Variants in SI observed in about 807,000 individuals in gnomAD.
SI encodes the protein sucrase-isomaltase.
In SI, 235 loss-of-function variants were observed where a neutral mutation model predicts 253.3. The ratio of observed to expected loss-of-function variants is 0.93; its 90% CI spans 0.83 to 1.03. The LOEUF is 1.03. Among genes scored for constraint, SI ranks in the 50% least tolerant of loss-of-function variants. The pLI, the probability that SI is intolerant of heterozygous loss-of-function variation, is 0.00. For synonymous variants in SI, 819 were observed against 712.0 expected (o/e 1.15, Z -2.39); for missense variants, 2,442 against 2,211.1 (o/e 1.10, Z -2.09).
At chr3:165,059,134 A>G in intron 11 of SI, 34 bp downstream of exon 11, 1 of 1,611,768 alleles carries the variant, frequency 6.2e-7, no homozygotes, top group Non-Finnish European at 8.5e-7. Context: ...ACGTGTAAAC[A>G]CTAAAAATGT....
rs201844171 is a variant in SI, at chr3:165,023,570, C to T, written c.3099G>A (p.Lys1033=). 5.2e-5 allele frequency: 83 copies of T among 1,607,500 alleles called. No individual in the cohort carries two copies. Among genetic ancestry groups the T allele is most frequent in the Non-Finnish European group, 6.6e-5 (77 of 1,175,202 alleles). ...KYHKNDMLQF[K]IYDPQKKRYE... ...TTGGGGTAGTTTATATCAAGCATACCTTAAACTGCAACATATCATTTTTGT... is the reference window on the plus strand; with the variant it reads ...TTGGGGTAGTTTATATCAAGCATACTTTAAACTGCAACATATCATTTTTGT... The change falls in exon 26 of 48, where the codon AAG becomes AAA. Residue 1033 remains lysine (K), a splice_region_variant and synonymous_variant. Coordinates refer to ENST00000264382, the MANE Select transcript of SI (RefSeq NM_001041.4).
intron 25 of SI, among the ~76,000 whole-genome samples, chr3:165,024,338 A>G (rs1711788423): frequency 6.6e-6 from 1 of 151,380 alleles, no homozygotes; most frequent in African/African-American, 2.4e-5. Flanking sequence ...AAAACCTAAG[A>G]AAAAGAATTA....
intron 25 of SI, among the ~76,000 whole-genome samples, chr3:165,029,722 G>T (rs1419302816): frequency 6.7e-6 from 1 of 149,534 alleles, no homozygotes; most frequent in Non-Finnish European, 1.5e-5. Flanking sequence ...TTAGCAAAAT[G>T]AATTGTTCCC....
intron 7 of SI, among the ~76,000 whole-genome samples, chr3:165,064,262 C>T (rs1375418208): frequency 6.6e-6 from 1 of 151,618 alleles, no homozygotes; most frequent in Admixed American, 6.6e-5. Flanking sequence ...ATGATAGAGA[C>T]AAACTGGAAA....
Position 165,021,273 on chromosome 3 carries a change from A to T in SI, c.3210T>A (p.Asn1070Lys). The T allele has an allele frequency of 6.2e-7, 1 of 1,611,372 alleles. No individual in the cohort carries two copies. Residue 1070 changes from asparagine (N) to lysine (K), a missense_variant, in exon 27 of 48, where the codon AAT (asparagine) becomes AAA (lysine). Asn to Lys is a moderately conservative substitution (Grantham distance 94, BLOSUM62 0). Transcript: ENST00000264382. ...TCCGTCGAATCTGGATGCCAAAAGG[A>T]TTTTCCTTGATTTCCACATCATAAA... ...DRLYDVEIKE[N>K]PFGIQIRRRS...
intron 36 of SI, among the ~76,000 whole-genome samples, chr3:165,007,267 A>T (rs544936279): frequency 6.6e-6 from 1 of 152,154 alleles, no homozygotes; most frequent in Non-Finnish European, 1.5e-5. Flanking sequence ...CATAAAGCCC[A>T]GAGTTTAAGG....
intron 20 of SI, among the ~76,000 whole-genome samples, chr3:165,038,272 A>C (rs1009055370): frequency 6.6e-6 from 1 of 152,046 alleles, no homozygotes; most frequent in Non-Finnish European, 1.5e-5. Flanking sequence ...ACAATAATTA[A>C]CAGTACTTTA....
At position 164,979,248 on chromosome 3, in the gene SI, T is replaced by G; in HGVS notation, c.*114A>C. 1 of 745,102 alleles carries G rather than the reference T, an allele frequency of 1.3e-6. No individual in the cohort carries two copies. Among genetic ancestry groups the G allele is most frequent in the East Asian group, 2.5e-5 (1 of 40,326 alleles). 46.2% of individuals were successfully genotyped at this position (745,102 alleles called of 1,614,324 possible). On this transcript the variant is annotated 3_prime_UTR_variant, in exon 48 of 48. Coordinates refer to ENST00000264382, the MANE Select transcript of SI (RefSeq NM_001041.4). ...GCTACAAAATAACTTTTCGATGTTATGAAAGCTATATTTTGTAGAGTACAA... is the reference window on the plus strand; with the variant it reads ...GCTACAAAATAACTTTTCGATGTTAGGAAAGCTATATTTTGTAGAGTACAA...
Position 165,024,282 on chromosome 3 carries a change from C to T in SI, c.2893-506G>A, listed in dbSNP as rs551370948. Among the ~76,000 whole-genome samples, 167 of 151,222 alleles carry T rather than the reference C, an allele frequency of 1.1e-3. 1 individual carries two copies. Among genetic ancestry groups the T allele is most frequent in the African/African-American group, 3.9e-3 (160 of 41,366 alleles). Reference sequence around the variant, plus strand: ...CTGACCTGGATTTGAAATAGGAACCCTGGCCAAGAATCAGAGTTGATTGGT... The same window carrying T: ...CTGACCTGGATTTGAAATAGGAACCTTGGCCAAGAATCAGAGTTGATTGGT... On this transcript the variant is annotated intron_variant, in intron 25 of 47. Transcript: ENST00000264382.
intron 47 of SI, 100 bp from the exon 48 acceptor site, chr3:164,979,530 C>A: frequency 1.5e-6 from 1 of 649,428 alleles, no homozygotes; most frequent in South Asian, 1.8e-5. Flanking sequence ...ATAGTATATA[C>A]CTTTATTTTC....
intron 19 of SI, 39 bp from the exon 20 acceptor site, chr3:165,039,173 T>G (rs1288147704): frequency 1.5e-6 from 2 of 1,363,936 alleles, no homozygotes; most frequent in Admixed American, 3.5e-5. Context: ...ATTTCAATTT[T>G]TAACAAGGAG....
chr3:165,086,466 A>AAGC, the SI span, among the ~76,000 whole-genome samples: 1 of 152,156 alleles, frequency 6.6e-6, no homozygotes, highest in African/African-American at 2.4e-5. Context: ...TCTTTCACAA[A>AAGC]TACAGAATTG....
chr3:165,030,566 G>C, intron 25 of SI, 146 bp downstream of exon 25: 1 of 810,870 alleles, frequency 1.2e-6, no homozygotes, highest in Non-Finnish European at 2.0e-6. Flanking sequence ...TGAATTGCCT[G>C]TCAGAGATGC....
intron 12 of SI, among the ~76,000 whole-genome samples, chr3:165,055,679 G>A (rs868842755): frequency 5.3e-5 from 8 of 151,866 alleles, no homozygotes; most frequent in Middle Eastern, 3.2e-3. Flanking sequence ...TATTTCCAAA[G>A]GTGTATGCCT....
In SI at chr3:165,046,878, G is replaced by C; in HGVS notation, c.1850C>G (p.Thr617Ser). 6.2e-7 allele frequency: 1 copy of C among 1,613,200 alleles called. No homozygotes were observed. The highest frequency in any genetic ancestry group is 2.2e-5 in the East Asian group (1 of 44,772). Reference sequence around the variant, plus strand: ...AAACAAACTGAACTCCAGCATTCCAGTTATAGACCATTCCATTTGTTCCCA... The same window carrying C: ...AAACAAACTGAACTCCAGCATTCCACTTATAGACCATTCCATTTGTTCCCA... Reference protein sequence around the residue: ...ASWEQMEWSITGMLEFSLFGI... With the variant: ...ASWEQMEWSISGMLEFSLFGI... The change falls in exon 16 of 48, where the codon ACT becomes AGT. Residue 617 changes from threonine (T) to serine (S), a missense_variant. Physicochemically the swap from Thr to Ser is moderately conservative, Grantham distance 58. Coordinates refer to ENST00000264382, the MANE Select transcript of SI (RefSeq NM_001041.4).
chr3:165,076,159 CACTT>C lies in SI; in HGVS notation c.1-151_1-148del, dbSNP rs539916456. On this transcript the variant is annotated intron_variant, in intron 1 of 47. Transcript: ENST00000264382. ...CACTTACATAATATCCTAAATTAAG[CACTT>C]ACTTAATAATATATTAAGCATGTAC... The C allele has an allele frequency of 6.1e-4, 318 of 524,356 alleles. 2 individuals carry two copies. The highest frequency in any genetic ancestry group is 5.7e-3 in the African/African-American group (293 of 51,174). The allele number at this position is 524,356 out of a possible 1,614,324, so 32.5% of individuals were successfully genotyped here.
At chr3:165,043,465 A>T (rs1024232457) in intron 16 of SI, among the ~76,000 whole-genome samples, 5 of 151,956 alleles carry the variant, frequency 3.3e-5, no homozygotes, top group Non-Finnish European at 7.4e-5. Flanking sequence ...ATTGTAAAAG[A>T]TGAAATTACT....
rs1195323598 is a variant in SI, at chr3:165,040,962, C to T, written c.2137G>A (p.Val713Ile). 1.2e-6 allele frequency: 2 copies of T among 1,611,582 alleles called. No homozygotes were observed. Among genetic ancestry groups the T allele is most frequent in the Non-Finnish European group, 1.7e-6 (2 of 1,178,076 alleles). The change falls in exon 18 of 48, where the codon GTA becomes ATA. Residue 713 changes from valine to isoleucine, a missense_variant. Coordinates refer to ENST00000264382, the MANE Select transcript of SI (RefSeq NM_001041.4). The stretch of plus-strand genomic sequence containing the variant: ...CACTCATGAAGAACTGGTCTTGCTA[C>T]TGTTTCTCCAAACACATGGGCTTTA... Reference protein sequence around the residue: ...FYKAHVFGETVARPVLHEFYE... With the variant: ...FYKAHVFGETIARPVLHEFYE...
intron 33 of SI, 51 bp downstream of exon 33, chr3:165,015,071 CA>C (rs1718959958): frequency 7.3e-7 from 1 of 1,370,634 alleles, no homozygotes; most frequent in African/African-American, 1.4e-5. Flanking sequence ...TGGAAACTTT[CA>C]TTGAAATATA....
Sources: gnomAD v4.1 joint callset for allele counts (sites outside exome capture counted in the v4.1 genomes callset) on GRCh38, gnomAD v4.1.1 for gene constraint, MANE v1.5 for transcripts, NCBI Gene and HGNC (gene_info 2026-07-23, HGNC 2026-07-21) for gene names.